The following PCSK5 variants were observed in gnomAD, a reference collection of about 807,000 sequenced individuals.
PCSK5 encodes prohormone convertase 5.
PCSK5 carries 129 observed loss-of-function variants against 233.2 expected under a neutral mutation model. That is an observed-to-expected ratio of 0.55 (90% confidence interval 0.48 to 0.64). The LOEUF (loss-of-function observed/expected upper bound fraction) is 0.64. Among genes scored for constraint, PCSK5 ranks in the 30% least tolerant of loss-of-function variants. PCSK5 has a pLI of 0.00. For synonymous variants in PCSK5, 825 were observed against 879.2 expected, an observed-to-expected ratio of 0.94 and a Z score of 1.09; for missense variants, 2,076 against 2,430.1, an observed-to-expected ratio of 0.85 and a Z score of 3.06.
intron 20 of PCSK5, among the ~76,000 whole-genome samples, chr9:76,191,011 A>G (rs1185882271): frequency 1.3e-5 from 2 of 152,232 alleles, no homozygotes; most frequent in Non-Finnish European, 2.9e-5. Context: ...CCCCATCTGT[A>G]AAAATGAATG....
intron 11 of PCSK5, 144 bp from the exon 12 acceptor site, chr9:76,158,839 A>C (rs1382697847): frequency 3.0e-6 from 2 of 659,846 alleles, no homozygotes; most frequent in Non-Finnish European, 5.3e-6. Flanking sequence ...TCAGTGACCC[A>C]GTTATTTTGG....
chr9:75,971,635 G>A (rs1243494453), intron 2 of PCSK5, among the ~76,000 whole-genome samples: 2 of 152,158 alleles, frequency 1.3e-5, no homozygotes, highest in Non-Finnish European at 2.9e-5. Flanking sequence ...TCTAACTGGT[G>A]TGAAATGGTA....
At chr9:75,974,082 C>T (rs1417231083) in intron 2 of PCSK5, among the ~76,000 whole-genome samples, 2 of 152,162 alleles carry the variant, frequency 1.3e-5, no homozygotes, top group African/African-American at 2.4e-5. Context: ...TTTCTCTCTC[C>T]TTCTCTGAGC....
chr9:76,173,496 C>CTTTTTTTTTTTTTTTTTTTTTTTTTTT lies in PCSK5; in HGVS notation c.1757-1480_1757-1454dup, dbSNP rs59248860. 1.4e-3 allele frequency among the ~76,000 whole-genome samples: 88 copies of CTTTTTTTTTTTTTTTTTTTTTTTTTTT among 60,998 alleles called. 14 individuals carry two copies. The highest frequency in any genetic ancestry group is 2.0e-3 in the Admixed American group (10 of 4,984). The allele number at this position is 60,998 out of a possible 152,430, so 40.0% of individuals were successfully genotyped here. A position where few individuals can be genotyped will look rare whatever the true frequency, so the allele number is the denominator to read the frequency against. On this transcript the variant is annotated intron_variant, in intron 13 of 37. Transcript: ENST00000674117. ...CTTTAATGAAATGGAGGCACGTTTC[C>CTTTTTTTTTTTTTTTTTTTTTTTTTTT]TTTTTTTTTTTTTTTTTTTTTTTTT...
intron 5 of PCSK5, among the ~76,000 whole-genome samples, chr9:76,027,911 C>T (rs563221515): frequency 6.6e-6 from 1 of 152,096 alleles, no homozygotes; most frequent in Non-Finnish European, 1.5e-5. Flanking sequence ...ACTGTTTAAC[C>T]CATTTATTTT....
At chr9:75,927,228 A>T (rs1284461455) in intron 1 of PCSK5, among the ~76,000 whole-genome samples, 1 of 152,148 alleles carries the variant, frequency 6.6e-6, no homozygotes, top group Non-Finnish European at 1.5e-5. Context: ...GGCCATTTGT[A>T]TATCTTCTTT....
At chr9:76,130,086 G>A (rs4745504) in intron 9 of PCSK5, among the ~76,000 whole-genome samples, 73,692 of 151,230 alleles carry the variant, frequency 0.49, 18,135 homozygotes, top group Admixed American at 0.53. Flanking sequence ...TATGACATAC[G>A]GTATACATGT....
At chr9:76,274,260 A>G (rs916146053) in intron 24 of PCSK5, among the ~76,000 whole-genome samples, 7 of 152,084 alleles carry the variant, frequency 4.6e-5, no homozygotes, top group Admixed American at 4.6e-4. Flanking sequence ...TTTTATGTCT[A>G]TCACTTATAG....
At chr9:75,957,297 T>C (rs897642393) in intron 2 of PCSK5, among the ~76,000 whole-genome samples, 1 of 152,154 alleles carries the variant, frequency 6.6e-6, no homozygotes, top group African/African-American at 2.4e-5. Context: ...CTTCTCAGGG[T>C]GACTATGTGG....
In PCSK5 at chr9:76,292,259, G is replaced by C; in HGVS notation, c.3169G>C (p.Ala1057Pro). 2 of 1,579,038 alleles carry C rather than the reference G, an allele frequency of 1.3e-6. No individual in the cohort carries two copies. Among genetic ancestry groups the C allele is most frequent in the Non-Finnish European group, 1.7e-6 (2 of 1,150,166 alleles). The stretch of plus-strand genomic sequence containing the variant: ...TGATCCAGGAACATGTACATCTTGC[G>C]CTATGGGGTATTACAGGTAAGTCTG... Reference protein sequence around the residue: ...LDDPGTCTSCAMGYYRFDHHC... With the variant: ...LDDPGTCTSCPMGYYRFDHHC... Residue 1057 changes from alanine to proline, a missense_variant, in exon 25 of 38, where the codon GCT (alanine) becomes CCT (proline). Around this residue, in one of 6 missense-constraint regions of PCSK5, gnomAD observed 1,510 missense variants for 1,538.1 expected, o/e 0.98. Coordinates refer to ENST00000674117, the MANE Select transcript of PCSK5 (RefSeq NM_001372043.1).
intron 4 of PCSK5, among the ~76,000 whole-genome samples, chr9:76,024,127 C>G (rs767682371): frequency 3.5e-4 from 53 of 152,146 alleles, no homozygotes; most frequent in Non-Finnish European, 4.9e-4. Flanking sequence ...GCAGAAACTC[C>G]GCCACCACAC....
At chr9:76,189,980 T>TTTAA (rs2131242524) in intron 20 of PCSK5, among the ~76,000 whole-genome samples, 1 of 152,348 alleles carries the variant, frequency 6.6e-6, no homozygotes, top group South Asian at 2.1e-4. Context: ...AGTTAATTTT[T>TTTAA]TTAATTAATA....
At chr9:76,333,271 G>A (rs898693423) in intron 34 of PCSK5, among the ~76,000 whole-genome samples, 2 of 152,182 alleles carry the variant, frequency 1.3e-5, no homozygotes, top group South Asian at 4.1e-4. Flanking sequence ...ATTAATGGAG[G>A]TTCTTTTTCT....
At chr9:76,321,946 T>G (rs1395805834) in intron 31 of PCSK5, among the ~76,000 whole-genome samples, 2 of 151,862 alleles carry the variant, frequency 1.3e-5, no homozygotes, top group African/African-American at 4.8e-5. Context: ...AACCCAATGT[T>G]CTCATCTTTT....
intron 20 of PCSK5, among the ~76,000 whole-genome samples, chr9:76,190,686 C>A (rs1824331949): frequency 6.6e-6 from 1 of 152,058 alleles, no homozygotes; most frequent in East Asian, 1.9e-4. Flanking sequence ...TTTCATTAAG[C>A]CTGTGAGGCT....
intron 5 of PCSK5, among the ~76,000 whole-genome samples, chr9:76,046,427 C>T (rs1275158783): frequency 2.6e-5 from 4 of 151,486 alleles, no homozygotes; most frequent in South Asian, 2.1e-4. Flanking sequence ...CCGCCCGCCT[C>T]GGCCTCCCAA....
chr9:76,093,562 A>ATT (rs1171925487), intron 7 of PCSK5, among the ~76,000 whole-genome samples: 18 of 147,474 alleles, frequency 1.2e-4, no homozygotes, highest in Non-Finnish European at 1.9e-4. Flanking sequence ...CACTGTCATA[A>ATT]TTTTATATAT....
At position 76,319,878 on chromosome 9, in the gene PCSK5, C is replaced by T. The variant is rs918558089; in HGVS notation, c.3885-1544C>T. On this transcript the variant is annotated intron_variant, in intron 30 of 37. Coordinates refer to ENST00000674117, the MANE Select transcript of PCSK5 (RefSeq NM_001372043.1). ...GAAAGTCTTAAAGTCTTTGATCTTT[C>T]TTATAAGTGCAGAGAAGAAAACGCT... Among the ~76,000 whole-genome samples, 3 of 152,266 alleles carry T rather than the reference C, an allele frequency of 2.0e-5. No individual in the cohort carries two copies. The East Asian group carries it at 5.8e-4, about 29-fold the overall frequency.
intron 2 of PCSK5, among the ~76,000 whole-genome samples, chr9:75,946,367 G>A (rs1824568838): frequency 6.6e-6 from 1 of 152,148 alleles, no homozygotes; most frequent in Non-Finnish European, 1.5e-5. Context: ...CTAGCTCAGA[G>A]TGGCTATTAG....
Sources: gnomAD v4.1 joint callset for allele counts (sites outside exome capture counted in the v4.1 genomes callset) on GRCh38, gnomAD v4.1.1 for gene constraint, gnomAD v4.1.1 regional missense constraint, MANE v1.5 for transcripts, NCBI Gene and HGNC (gene_info 2026-07-23, HGNC 2026-07-21) for gene names.